Variants in DPY19L1 observed in about 807,000 individuals in gnomAD.
The protein encoded by DPY19L1 is dpy-19 like C-mannosyltransferase 1, also known as protein C-mannosyl-transferase DPY19L1.
In DPY19L1, 35 loss-of-function variants were observed where a neutral mutation model predicts 96.9. That is an observed-to-expected ratio of 0.36 (90% CI 0.28 to 0.48). The LOEUF is 0.48. DPY19L1 is among the 20% of genes least tolerant of loss of function. DPY19L1 has a pLI of 0.99. For missense variants in DPY19L1, 521 were observed against 777.9 expected (o/e 0.67, Z 3.93); for synonymous variants, 205 against 252.6 (o/e 0.81, Z 1.79).
chr7:34,933,990 G>A (rs187406483), intron 21 of DPY19L1, among the ~76,000 whole-genome samples: 87 of 152,104 alleles, frequency 5.7e-4, no homozygotes, highest in Non-Finnish European at 1.1e-3. Flanking sequence ...TTGAGATGGC[G>A]TTTCCCTCTG....
intron 7 of DPY19L1, among the ~76,000 whole-genome samples, chr7:34,987,365 G>A (rs1785072799): frequency 6.6e-6 from 1 of 151,914 alleles, no homozygotes; most frequent in Admixed American, 6.6e-5. Context: ...GGATTTGAAG[G>A]TTTTAAATGT....
intron 13 of DPY19L1, among the ~76,000 whole-genome samples, chr7:34,952,766 G>A (rs1259214716): frequency 5.9e-5 from 9 of 152,050 alleles, no homozygotes; most frequent in Non-Finnish European, 1.2e-4. Flanking sequence ...ATACGGCAGA[G>A]TGAAGAAACT....
At chr7:35,012,037 C>A (rs1225542501) in intron 4 of DPY19L1, among the ~76,000 whole-genome samples, 1 of 152,230 alleles carries the variant, frequency 6.6e-6, no homozygotes, top group Non-Finnish European at 1.5e-5. Context: ...GGCACTCATT[C>A]CTCCAGCTGG....
intron 6 of DPY19L1, among the ~76,000 whole-genome samples, chr7:35,008,919 A>G (rs1289879980): frequency 6.6e-6 from 1 of 152,138 alleles, no homozygotes; most frequent in Non-Finnish European, 1.5e-5. Context: ...ACTTTCCCTC[A>G]AGTCAGCCTC....
At chr7:34,991,368 T>C (rs951507927) in intron 6 of DPY19L1, among the ~76,000 whole-genome samples, 1 of 151,970 alleles carries the variant, frequency 6.6e-6, no homozygotes, top group African/African-American at 2.4e-5. Context: ...ACAAATGAAA[T>C]ATAAAGGGGC....
chr7:34,985,235 C>T (rs147619326), intron 7 of DPY19L1, among the ~76,000 whole-genome samples: 1,866 of 152,196 alleles, frequency 0.012, 21 homozygotes, highest in Non-Finnish European at 0.02. Flanking sequence ...GTAATCCTCT[C>T]TCTGCAAAAA....
chr7:34,960,487 G>A (rs2128787798), intron 10 of DPY19L1, among the ~76,000 whole-genome samples: 1 of 152,202 alleles, frequency 6.6e-6, no homozygotes, highest in African/African-American at 2.4e-5. Flanking sequence ...ATGCATCAAT[G>A]AATATGATTT....
At position 34,928,994 on chromosome 7, in the gene DPY19L1, T is replaced by G. The variant is rs567060911; in HGVS notation, c.*2579A>C. 17 of 152,352 alleles carry G rather than the reference T, an allele frequency of 1.1e-4. No homozygotes were observed. Among genetic ancestry groups the G allele is most frequent in the African/African-American group, 4.1e-4 (17 of 41,582 alleles). The allele number at this position is 152,352 out of a possible 1,614,324, so 9.4% of individuals were successfully genotyped here. A position where few individuals can be genotyped will look rare whatever the true frequency, so the allele number is the denominator to read the frequency against. On this transcript the variant is annotated 3_prime_UTR_variant, in exon 22 of 22. Coordinates refer to ENST00000638088, the MANE Select transcript of DPY19L1 (RefSeq NM_001366673.1). The stretch of plus-strand genomic sequence containing the variant: ...ATATCACTTTATTCCTGATACATAC[T>G]TTCATTTTCTCATTAATATCACTGG...
intron 6 of DPY19L1, among the ~76,000 whole-genome samples, chr7:34,994,581 G>A (rs954895789): frequency 7.2e-5 from 11 of 152,194 alleles, no homozygotes; most frequent in South Asian, 2.1e-4. Flanking sequence ...TGAGGCGGGC[G>A]GATCACGAGG....
At chr7:34,940,670 T>G (rs2128781480) in intron 18 of DPY19L1, 1 of 175,210 alleles carries the variant, frequency 5.7e-6, no homozygotes, top group African/African-American at 2.4e-5. Context: ...GCAGCAAACA[T>G]TCAATCAAGT....
intron 19 of DPY19L1, 70 bp from the exon 20 acceptor site, chr7:34,939,445 A>G: frequency 7.4e-7 from 1 of 1,354,378 alleles, no homozygotes; most frequent in South Asian, 1.2e-5. Flanking sequence ...TCAAGTGTAA[A>G]TCAATTATTT....
At chr7:34,935,600 G>T (rs1783852215) in intron 21 of DPY19L1, among the ~76,000 whole-genome samples, 1 of 152,020 alleles carries the variant, frequency 6.6e-6, no homozygotes, top group African/African-American at 2.4e-5. Context: ...TTAAGCACTA[G>T]ATAAATATTG....
chr7:34,951,176 C>T (rs1321897088), intron 13 of DPY19L1, among the ~76,000 whole-genome samples: 2 of 151,896 alleles, frequency 1.3e-5, no homozygotes, highest in African/African-American at 2.4e-5. Flanking sequence ...AGAATAAGAA[C>T]TGACAAAAAC....
At chr7:35,005,139 G>C (rs1785521551) in intron 6 of DPY19L1, among the ~76,000 whole-genome samples, 2 of 151,978 alleles carry the variant, frequency 1.3e-5, no homozygotes, top group Non-Finnish European at 2.9e-5. Flanking sequence ...TCTTATTTTA[G>C]GCAAAGGAAT....
At chr7:34,947,596 A>G (rs757142507) in intron 15 of DPY19L1, 34 bp downstream of exon 15, 25 of 1,558,536 alleles carry the variant, frequency 1.6e-5, no homozygotes, top group Admixed American at 5.6e-5. Flanking sequence ...AAAATATTCT[A>G]TTATAAGAAA....
At chr7:34,999,880 T>C (rs990493870) in intron 6 of DPY19L1, among the ~76,000 whole-genome samples, 1 of 152,220 alleles carries the variant, frequency 6.6e-6, no homozygotes, top group African/African-American at 2.4e-5. Flanking sequence ...TTTACAGTCA[T>C]AATAATGTAA....
At chr7:34,999,872 T>A (rs1238983179) in intron 6 of DPY19L1, among the ~76,000 whole-genome samples, 1 of 152,208 alleles carries the variant, frequency 6.6e-6, no homozygotes, top group Admixed American at 6.5e-5. Flanking sequence ...GCAATATTTT[T>A]ACAGTCATAA....
chr7:34,940,931 G>C (rs1306376437), intron 18 of DPY19L1: 1 of 153,456 alleles, frequency 6.5e-6, no homozygotes, highest in East Asian at 1.9e-4. Context: ...AAGGTAGAAA[G>C]TAGTGCCTTT....
At chr7:35,021,961 G>A (rs1786005064) in intron 1 of DPY19L1, among the ~76,000 whole-genome samples, 1 of 152,146 alleles carries the variant, frequency 6.6e-6, no homozygotes, top group African/African-American at 2.4e-5. Flanking sequence ...TTACACATAT[G>A]TATGTCACTT....
Sources: allele counts gnomAD v4.1 joint callset (sites outside exome capture counted in the v4.1 genomes callset), GRCh38; gene constraint gnomAD v4.1.1; transcripts MANE v1.5; gene names NCBI Gene and HGNC (gene_info 2026-07-23, HGNC 2026-07-21).